Variants in PARD3 observed in about 807,000 individuals in gnomAD.
PARD3 encodes par-3 family cell polarity regulator.
A neutral mutation model predicts 155.4 loss-of-function variants in PARD3; 75 were observed. The ratio of observed to expected loss-of-function variants is 0.48; its 90% confidence interval spans 0.40 to 0.58. The LOEUF (loss-of-function observed/expected upper bound fraction) is 0.58. PARD3 is among the 20% of genes least tolerant of loss of function. The probability of loss-of-function intolerance (pLI) is 0.00; values close to 1 mark genes in which losing one functional copy is unlikely to be tolerated. For missense variants in PARD3, 1,642 were observed against 1,721.7 expected (o/e 0.95, Z 0.82); for synonymous variants, 576 against 610.5 (o/e 0.94, Z 0.83).
chr10:34,395,964 G>T (rs557542701), intron 7 of PARD3, among the ~76,000 whole-genome samples: 1 of 152,264 alleles, frequency 6.6e-6, no homozygotes, highest in South Asian at 2.1e-4. Flanking sequence ...GGGGTTGGAG[G>T]ACGAGCTAAT....
At chr10:34,578,602 T>C (rs997112079) in intron 2 of PARD3, among the ~76,000 whole-genome samples, 13 of 152,220 alleles carry the variant, frequency 8.5e-5, no homozygotes, top group Admixed American at 3.3e-4. Context: ...TGAGTTCTAT[T>C]AGCCCATTTT....
intron 5 of PARD3, among the ~76,000 whole-genome samples, chr10:34,430,343 T>A (rs891008607): frequency 6.6e-6 from 1 of 152,230 alleles, no homozygotes; most frequent in African/African-American, 2.4e-5. Flanking sequence ...TAGAATAGAA[T>A]AGACTATTGT....
chr10:34,666,767 C>A (rs1430355321), intron 2 of PARD3, among the ~76,000 whole-genome samples: 4 of 100,002 alleles, frequency 4.0e-5, no homozygotes, highest in Admixed American at 1.1e-4. Flanking sequence ...ACCTCACCTA[C>A]CCCTCCCCCT....
chr10:34,326,423 A>T (rs1352986782), intron 19 of PARD3, among the ~76,000 whole-genome samples: 1 of 152,196 alleles, frequency 6.6e-6, no homozygotes, highest in Non-Finnish European at 1.5e-5. Flanking sequence ...TTATAGATCA[A>T]CATCCAATTA....
At chr10:34,348,311 A>G (rs1221749412) in intron 14 of PARD3, among the ~76,000 whole-genome samples, 196 bp from the exon 15 acceptor site, 1 of 152,182 alleles carries the variant, frequency 6.6e-6, no homozygotes, top group Non-Finnish European at 1.5e-5. Context: ...ACTTTATACC[A>G]TGCCTCCCAT....
chr10:34,284,860 G>T (rs1335738754), intron 20 of PARD3, among the ~76,000 whole-genome samples: 1 of 152,138 alleles, frequency 6.6e-6, no homozygotes, highest in East Asian at 1.9e-4. Flanking sequence ...GCTGAATGTG[G>T]CATCTATGAC....
chr10:34,579,554 C>CTCTGTG (rs1554775574), intron 2 of PARD3, among the ~76,000 whole-genome samples: 204 of 122,572 alleles, frequency 1.7e-3, no homozygotes, highest in African/African-American at 5.1e-3. Context: ...ACCATTTTCT[C>CTCTGTG]TGTGTGTGTG....
At chr10:34,668,194 G>A (rs367709172) in intron 2 of PARD3, among the ~76,000 whole-genome samples, 2 of 152,240 alleles carry the variant, frequency 1.3e-5, no homozygotes, top group South Asian at 2.1e-4. Context: ...CCAGGACTAT[G>A]TGCCGAGACA....
At chr10:34,369,762 G>T (rs1246446739) in intron 12 of PARD3, among the ~76,000 whole-genome samples, 2 of 152,162 alleles carry the variant, frequency 1.3e-5, no homozygotes, top group Non-Finnish European at 2.9e-5. Context: ...AGCCCAAAAT[G>T]AAAGTGAGCA....
intron 20 of PARD3, among the ~76,000 whole-genome samples, chr10:34,309,368 G>C (rs1957576332): frequency 6.6e-6 from 1 of 151,828 alleles, no homozygotes; most frequent in South Asian, 2.1e-4. Context: ...AGACCAACCT[G>C]GTCAACAAAG....
chr10:34,803,070 G>GAAA (rs34342941), intron 1 of PARD3, among the ~76,000 whole-genome samples: 2,728 of 102,598 alleles, frequency 0.027, 98 homozygotes, highest in African/African-American at 0.058. Flanking sequence ...TACTAAAAAT[G>GAAA]AAAAAAAAAA....
chr10:34,803,232 C>T (rs1352254013), intron 1 of PARD3, among the ~76,000 whole-genome samples: 1 of 128,394 alleles, frequency 7.8e-6, no homozygotes, highest in African/African-American at 3.3e-5. Context: ...GAGTGAGACT[C>T]CGTCTCAAAA....
intron 22 of PARD3, among the ~76,000 whole-genome samples, chr10:34,174,092 T>C (rs1949925652): frequency 2.0e-5 from 3 of 152,198 alleles, no homozygotes; most frequent in Admixed American, 1.3e-4. Context: ...GTTAAACCTC[T>C]GTGTCAGGGA....
rs1347335494 is a variant in PARD3 at position 34,696,334 on chromosome 10, G to A, written c.206C>T (p.Ala69Val). Residue 69 changes from alanine to valine, a missense_variant, in exon 2 of 25, where the codon GCA (alanine) becomes GTA (valine). Ala to Val is a moderately conservative substitution (Grantham distance 64, BLOSUM62 0). Transcript: ENST00000374788. ...TGAACTCACTCTGTCTTTATCGTCT[G>A]CTACATCACAAAGAATGTCATCAAG... is the stretch of plus-strand genomic sequence containing the variant. ...LDLDDILCDV[A>V]DDKDRLVAVF... 1.2e-6 allele frequency: 2 copies of A among 1,605,608 alleles called. No individual in the cohort carries two copies. Among genetic ancestry groups the A allele is most frequent in the Non-Finnish European group, 1.7e-6 (2 of 1,172,740 alleles).
chr10:34,445,147 AAAAG>A (rs1317533983), intron 5 of PARD3, among the ~76,000 whole-genome samples: 3 of 152,234 alleles, frequency 2.0e-5, no homozygotes, highest in Non-Finnish European at 4.4e-5. Flanking sequence ...ACTAAAGAGA[AAAAG>A]AAAGCCTCAG....
intron 22 of PARD3, among the ~76,000 whole-genome samples, chr10:34,137,678 T>C (rs1050041038): frequency 6.6e-6 from 1 of 152,212 alleles, no homozygotes; most frequent in Non-Finnish European, 1.5e-5. Context: ...GGGTGTATTC[T>C]TTGTGCTCCT....
rs1564528264 is a variant in PARD3, at chr10:34,261,793, GAAA to G, written c.3419+7861_3419+7863del. Among the ~76,000 whole-genome samples the G allele has an allele frequency of 1.7e-4, 9 of 52,466 alleles. 1 individual carries two copies. The highest frequency in any genetic ancestry group is 3.3e-4 in the African/African-American group (8 of 24,140). The allele number at this position is 52,466 out of a possible 152,430, so 34.4% of individuals were successfully genotyped here. A position where few individuals can be genotyped will look rare whatever the true frequency, so the allele number is the denominator to read the frequency against. On this transcript the variant is annotated intron_variant, in intron 22 of 24. Coordinates refer to ENST00000374788, the MANE Select transcript of PARD3 (RefSeq NM_001184785.2). ...GGAAGAAAGAAAGAAAAGAAAGAAAGAAAGAAAGAAAGAAAGAAAGAAAGAAAG... is the reference window on the plus strand; with the variant it reads ...GGAAGAAAGAAAGAAAAGAAAGAAAGGAAAGAAAGAAAGAAAGAAAGAAAG...
intron 22 of PARD3, among the ~76,000 whole-genome samples, chr10:34,178,767 A>G (rs1035382127): frequency 1.3e-5 from 2 of 152,230 alleles, no homozygotes; most frequent in African/African-American, 4.8e-5. Flanking sequence ...GATAATGGAT[A>G]CAATAATTTT....
chr10:34,249,834 A>T (rs1273985636), intron 22 of PARD3, among the ~76,000 whole-genome samples: 2 of 152,238 alleles, frequency 1.3e-5, no homozygotes, highest in Non-Finnish European at 2.9e-5. Context: ...GGCAGCACAG[A>T]TGCCTGGGAT....
Sources: gnomAD v4.1 joint callset for allele counts (sites outside exome capture counted in the v4.1 genomes callset) on GRCh38, gnomAD v4.1.1 for gene constraint, MANE v1.5 for transcripts, NCBI Gene and HGNC (gene_info 2026-07-23, HGNC 2026-07-21) for gene names.